Variants in PATJ observed in about 807,000 individuals in gnomAD.
The protein encoded by PATJ is PATJ crumbs cell polarity complex component, also known as inaD-like protein.
In PATJ, 190 loss-of-function variants were observed where a neutral mutation model predicts 224.9. The observed-to-expected ratio is 0.84, with a 90% CI of 0.75 to 0.95. PATJ has a LOEUF of 0.95. Ranked by LOEUF, PATJ falls within the 40% of genes least tolerant of loss-of-function variation. The probability of loss-of-function intolerance (pLI) is 0.00; values close to 1 mark genes in which losing one functional copy is unlikely to be tolerated. For synonymous variants in PATJ, 769 were observed against 820.3 expected (o/e 0.94, Z 1.07); for missense variants, 2,121 against 2,270.3 (o/e 0.93, Z 1.34).
intron 7 of PATJ, among the ~76,000 whole-genome samples, chr1:61,781,994 G>A (rs1647444483): frequency 6.6e-6 from 1 of 152,188 alleles, no homozygotes; most frequent in African/African-American, 2.4e-5. Context: ...ACTCTGCACA[G>A]GGTTGTTACT....
At position 61,823,200 on chromosome 1, in the gene PATJ, G is replaced by C. The variant is rs537751863; in HGVS notation, c.1818+121G>C. 6.9e-5 allele frequency: 68 copies of C among 985,010 alleles called. 2 individuals carry two copies. In the South Asian group the frequency reaches 9.2e-4, roughly 13 times the overall value. 61.0% of individuals were successfully genotyped at this position (985,010 alleles called of 1,614,324 possible). A position where few individuals can be genotyped will look rare whatever the true frequency, so the allele number is the denominator to read the frequency against. On this transcript the variant is annotated intron_variant, in intron 15 of 43. Coordinates refer to ENST00000642238, the MANE Select transcript of PATJ (RefSeq NM_001350145.3). ...ATGCCAATGTAATATGAGCCTCTTA[G>C]ATTGAAAAAACCGAACAGCTTACTG...
intron 27 of PATJ, among the ~76,000 whole-genome samples, chr1:61,964,834 G>A (rs72676283): frequency 1.8e-3 from 272 of 151,832 alleles, no homozygotes; most frequent in Non-Finnish European, 3.5e-3. Context: ...CCTGCTGGCC[G>A]ACCGTGGTGG....
At chr1:61,782,812 T>G (rs1450286072) in intron 7 of PATJ, among the ~76,000 whole-genome samples, 1 of 152,192 alleles carries the variant, frequency 6.6e-6, no homozygotes, top group Non-Finnish European at 1.5e-5. Context: ...GAGGTACTTT[T>G]TGTTTTGTTT....
chr1:62,006,986 G>A (rs1646132558), intron 28 of PATJ, among the ~76,000 whole-genome samples: 1 of 152,164 alleles, frequency 6.6e-6, no homozygotes, highest in African/African-American at 2.4e-5. Flanking sequence ...GTAGGCAACT[G>A]TAACACAATG....
intron 26 of PATJ, among the ~76,000 whole-genome samples, chr1:61,923,273 A>G (rs1571309892): frequency 6.6e-6 from 1 of 152,332 alleles, no homozygotes; most frequent in East Asian, 1.9e-4. Flanking sequence ...CTGAAATTGC[A>G]TCTTAGATGC....
chr1:62,053,457 C>T (rs980534804), intron 31 of PATJ, among the ~76,000 whole-genome samples: 2 of 152,134 alleles, frequency 1.3e-5, no homozygotes, highest in African/African-American at 2.4e-5. Context: ...CAGTGGCTCA[C>T]GCCTGTAATC....
intron 24 of PATJ, among the ~76,000 whole-genome samples, chr1:61,902,147 G>A (rs1227220539): frequency 6.6e-6 from 1 of 152,018 alleles, no homozygotes; most frequent in South Asian, 2.1e-4. Context: ...CTGGAACCCT[G>A]GAGGTGGGGG....
Position 62,137,963 on chromosome 1 carries a change from G to C in PATJ, c.5271+9018G>C, listed in dbSNP as rs368906555. ...CAGGTTCACAGTCTCCTCTTCCTCG[G>C]ATGAGGAGATTTTCTCCACCTCTTT... On this transcript the variant is annotated intron_variant, in intron 41 of 43. Transcript: ENST00000642238. Among the ~76,000 whole-genome samples the C allele has an allele frequency of 3.7e-4, 57 of 152,020 alleles. 1 individual carries two copies. In the South Asian group the frequency reaches 0.011, roughly 30 times the overall value.
In PATJ at chr1:62,163,479, G is replaced by A. The variant is rs190854450; in HGVS notation, c.*2425G>A. The A allele has an allele frequency of 6.6e-6, 1 of 152,494 alleles. No individual in the cohort carries two copies. Among genetic ancestry groups the A allele is most frequent in the Non-Finnish European group, 1.5e-5 (1 of 68,036 alleles). The allele number at this position is 152,494 out of a possible 1,614,324, so 9.4% of individuals were successfully genotyped here. A position where few individuals can be genotyped will look rare whatever the true frequency, so the allele number is the denominator to read the frequency against. ...GATTCTGCTTTATTTTGATGGAATG[G>A]CCATTAAATACACATTTTGAGATAA... On this transcript the variant is annotated 3_prime_UTR_variant, in exon 44 of 44. Transcript: ENST00000642238.
chr1:61,809,976 G>A (rs1654377148), intron 14 of PATJ, among the ~76,000 whole-genome samples: 1 of 151,524 alleles, frequency 6.6e-6, no homozygotes, highest in Admixed American at 6.6e-5. Flanking sequence ...CTCCCAAGTA[G>A]CTGGGACTTT....
chr1:61,797,366 T>C lies in PATJ; in HGVS notation c.1340T>C (p.Leu447Pro), dbSNP rs755884832. The C allele has an allele frequency of 7.4e-6, 12 of 1,613,820 alleles. No individual in the cohort carries two copies. Among genetic ancestry groups the C allele is most frequent in the Non-Finnish European group, 9.3e-6 (11 of 1,179,812 alleles). Residue 447 changes from leucine (L) to proline (P), a missense_variant, in exon 11 of 44, where the codon CTA (leucine) becomes CCA (proline). Physicochemically the swap from Leu to Pro is moderately conservative, Grantham distance 98. Transcript: ENST00000642238. ...VLRNAGQVVH[L>P]TLVRRKTSSS... is the part of the protein sequence containing the mutation. ...CGAAATGCAGGGCAGGTGGTACACC[T>C]AACCCTAGTTCGAAGGAAGACATCC...
rs1283720559 is a variant in PATJ, at chr1:61,949,800, G to C, written c.3670+21971G>C. 3.4e-5 allele frequency among the ~76,000 whole-genome samples: 5 copies of C among 146,626 alleles called. No homozygotes were observed. In the East Asian group the frequency reaches 1.1e-3, roughly 34 times the overall value. ...ATATGCCTGTAATACTGGCTACTTG[G>C]GAGGCTGAGGCAGGAGAATCACATG... On this transcript the variant is annotated intron_variant, in intron 27 of 43. Transcript: ENST00000642238.
At chr1:62,048,340 A>G (rs1652918745) in intron 30 of PATJ, among the ~76,000 whole-genome samples, 1 of 151,860 alleles carries the variant, frequency 6.6e-6, no homozygotes, top group Non-Finnish European at 1.5e-5. Flanking sequence ...GAGGTCAGGA[A>G]TTTGAAACCA....
intron 30 of PATJ, among the ~76,000 whole-genome samples, chr1:62,050,178 A>T (rs1036188971): frequency 9.2e-6 from 1 of 108,418 alleles, no homozygotes; most frequent in Non-Finnish European, 2.1e-5. Flanking sequence ...TTTATTAAAT[A>T]AAAAAAATAA....
rs1277636401 is a variant in PATJ at position 61,766,167 on chromosome 1, C to T, written c.190-112C>T. 4.3e-6 allele frequency: 3 copies of T among 698,792 alleles called. No homozygotes were observed. In the East Asian group the frequency reaches 9.5e-5, roughly 22 times the overall value. The allele number at this position is 698,792 out of a possible 1,614,324, so 43.3% of individuals were successfully genotyped here. ...GATCTATCTTTACCTTATTTCTTTTCCATGTATATATTTAATGTGCAAAGT... is the reference window on the plus strand; with the variant it reads ...GATCTATCTTTACCTTATTTCTTTTTCATGTATATATTTAATGTGCAAAGT... On this transcript the variant is annotated intron_variant, in intron 3 of 43. Coordinates refer to ENST00000642238, the MANE Select transcript of PATJ (RefSeq NM_001350145.3).
At chr1:62,141,701 C>T (rs1054764587) in intron 41 of PATJ, among the ~76,000 whole-genome samples, 4 of 142,266 alleles carry the variant, frequency 2.8e-5, no homozygotes, top group African/African-American at 8.0e-5. Flanking sequence ...CGGTGACTCA[C>T]GCCCGTATTT....
chr1:61,945,712 A>T (rs1399418157), intron 27 of PATJ, among the ~76,000 whole-genome samples: 1 of 152,232 alleles, frequency 6.6e-6, no homozygotes, highest in Non-Finnish European at 1.5e-5. Context: ...TGCACCAAGC[A>T]GACCTAATAG....
intron 12 of PATJ, among the ~76,000 whole-genome samples, chr1:61,805,053 A>G (rs1653250291): frequency 6.6e-6 from 1 of 152,210 alleles, no homozygotes; most frequent in Non-Finnish European, 1.5e-5. Context: ...CTTTGAAGTG[A>G]TTAACATTTA....
intron 1 of PATJ, among the ~76,000 whole-genome samples, chr1:61,757,668 G>T (rs972254710): frequency 6.6e-6 from 1 of 152,096 alleles, no homozygotes; most frequent in African/African-American, 2.4e-5. Flanking sequence ...TTAGAGGCAT[G>T]AGCCACTATG....
Sources: allele counts gnomAD v4.1 joint callset (sites outside exome capture counted in the v4.1 genomes callset), GRCh38; gene constraint gnomAD v4.1.1; transcripts MANE v1.5; gene names NCBI Gene and HGNC (gene_info 2026-07-23, HGNC 2026-07-21).